The following CDC42SE2 variants were observed in gnomAD, a reference collection of about 807,000 sequenced individuals.
CDC42SE2 encodes CDC42 small effector protein 2.
Under a neutral mutation model 11.5 loss-of-function variants are expected in CDC42SE2, and 3 were observed. The observed-to-expected ratio is 0.26, with a 90% confidence interval of 0.12 to 0.67. The LOEUF is 0.67. CDC42SE2 is among the 30% of genes least tolerant of loss of function. The pLI, the probability that CDC42SE2 is intolerant of heterozygous loss-of-function variation, is 0.80. For missense variants in CDC42SE2, 82 were observed against 106.8 expected (o/e 0.77, Z 1.02); for synonymous variants, 33 against 34.8 (o/e 0.95, Z 0.18).
At chr5:131,337,790 G>A (rs1758610637) in intron 2 of CDC42SE2, among the ~76,000 whole-genome samples, 1 of 152,238 alleles carries the variant, frequency 6.6e-6, no homozygotes, top group Non-Finnish European at 1.5e-5. Flanking sequence ...ATAATCTCCT[G>A]GTGTGCCGTT....
At chr5:131,368,352 G>C (rs1749923435) in intron 3 of CDC42SE2, among the ~76,000 whole-genome samples, 1 of 151,238 alleles carries the variant, frequency 6.6e-6, no homozygotes, top group South Asian at 2.1e-4. Flanking sequence ...TCTAGATTCT[G>C]TTTGACCATT....
chr5:131,361,585 C>T (rs1183713689), intron 3 of CDC42SE2, among the ~76,000 whole-genome samples: 2 of 152,180 alleles, frequency 1.3e-5, no homozygotes, highest in South Asian at 2.1e-4. Context: ...TGTTAACCAG[C>T]TCAGTTAGAC....
chr5:131,312,618 C>T (rs1757946826), intron 1 of CDC42SE2, among the ~76,000 whole-genome samples: 1 of 152,210 alleles, frequency 6.6e-6, no homozygotes, highest in Non-Finnish European at 1.5e-5. Context: ...ACCCTCCGAG[C>T]CAGGCGCGGG....
chr5:131,272,088 G>A (rs567129823), intron 1 of CDC42SE2, among the ~76,000 whole-genome samples: 1 of 152,218 alleles, frequency 6.6e-6, no homozygotes, highest in Admixed American at 6.5e-5. Flanking sequence ...TTGGCTCACT[G>A]CAACTTCTGC....
chr5:131,222,550 A>G, the CDC42SE2 span, among the ~76,000 whole-genome samples: 8 of 152,370 alleles, frequency 5.3e-5, no homozygotes, highest in East Asian at 1.2e-3. Flanking sequence ...AGACTTTACT[A>G]AATGAAATTT....
At chr5:131,390,459 C>T (rs990593546) in intron 4 of CDC42SE2, among the ~76,000 whole-genome samples, 8 of 151,978 alleles carry the variant, frequency 5.3e-5, no homozygotes, top group African/African-American at 9.7e-5. Context: ...CCGAAGCAGT[C>T]GGATCACTTG....
chr5:131,296,236 G>T (rs1033344520), intron 1 of CDC42SE2, among the ~76,000 whole-genome samples: 1 of 152,148 alleles, frequency 6.6e-6, no homozygotes, highest in African/African-American at 2.4e-5. Flanking sequence ...CCAAAATCCT[G>T]TTTTGATTGG....
At position 131,290,292 on chromosome 5, in the gene CDC42SE2, G is replaced by A. The variant is rs567883492; in HGVS notation, c.-454-25684G>A. Among the ~76,000 whole-genome samples the A allele has an allele frequency of 4.6e-5, 7 of 152,258 alleles. No homozygotes were observed. The South Asian group carries it at 1.4e-3, about 32-fold the overall frequency. ...GATTTCCTTAAAATTGTCTAGACCT[G>A]TGTACCCCCTGGAAAGTATCAAACC... On this transcript the variant is annotated intron_variant, in intron 1 of 4. Coordinates refer to ENST00000505065, the MANE Select transcript of CDC42SE2 (RefSeq NM_001375635.1).
At chr5:131,269,567 G>C (rs900153374) in intron 1 of CDC42SE2, among the ~76,000 whole-genome samples, 1 of 152,106 alleles carries the variant, frequency 6.6e-6, no homozygotes, top group African/African-American at 2.4e-5. Flanking sequence ...TCAGGAGTTC[G>C]AGACCAGCCT....
chr5:131,390,916 G>C, intron 4 of CDC42SE2, 77 bp from the exon 5 acceptor site: 1 of 552,316 alleles, frequency 1.8e-6, no homozygotes, highest in Non-Finnish European at 2.6e-6. Flanking sequence ...TAAAATTCTG[G>C]GAAAAGAATT....
chr5:131,344,694 A>T (rs889428680), intron 2 of CDC42SE2, among the ~76,000 whole-genome samples: 1 of 152,196 alleles, frequency 6.6e-6, no homozygotes, highest in African/African-American at 2.4e-5. Flanking sequence ...AATGGACAGA[A>T]TGCCTCCTCA....
intron 1 of CDC42SE2, among the ~76,000 whole-genome samples, chr5:131,313,396 G>T (rs1355176177): frequency 6.6e-6 from 1 of 152,096 alleles, no homozygotes; most frequent in African/African-American, 2.4e-5. Context: ...TTATTACTTT[G>T]TCTTTTTTAA....
chr5:131,322,728 G>A (rs1264543964), intron 2 of CDC42SE2, among the ~76,000 whole-genome samples: 4 of 152,128 alleles, frequency 2.6e-5, no homozygotes, highest in African/African-American at 9.7e-5. Flanking sequence ...CTACCTCTTG[G>A]CTGTTGTGCT....
At chr5:131,286,491 C>T (rs1757344710) in intron 1 of CDC42SE2, among the ~76,000 whole-genome samples, 1 of 146,550 alleles carries the variant, frequency 6.8e-6, no homozygotes, top group Non-Finnish European at 1.5e-5. Context: ...TATTTCATGA[C>T]TAGCCTTCAG....
intron 2 of CDC42SE2, among the ~76,000 whole-genome samples, chr5:131,345,027 A>G (rs1263743721): frequency 6.6e-6 from 1 of 152,236 alleles, no homozygotes; most frequent in East Asian, 1.9e-4. Flanking sequence ...AAAGGTAGAT[A>G]AAACCACAAA....
the CDC42SE2 span, among the ~76,000 whole-genome samples, chr5:131,230,739 A>G: frequency 3.3e-5 from 5 of 152,202 alleles, no homozygotes; most frequent in Non-Finnish European, 7.3e-5. Flanking sequence ...TAAATTTCAC[A>G]GTATTCTCCT....
chr5:131,366,519 G>C (rs1749861666), intron 3 of CDC42SE2, among the ~76,000 whole-genome samples: 1 of 152,154 alleles, frequency 6.6e-6, no homozygotes, highest in African/African-American at 2.4e-5. Flanking sequence ...GTTGAGAATG[G>C]AGTTGATCTT....
chr5:131,245,456 A>G (rs565889010), upstream of CDC42SE2: 12 of 152,340 alleles, frequency 7.9e-5, no homozygotes, highest in African/African-American at 2.9e-4. Flanking sequence ...AGAAGAAGAA[A>G]AAAAAATACT....
At chr5:131,264,258 C>G (rs987067355) in intron 1 of CDC42SE2, 92 bp downstream of exon 1, 7 of 152,326 alleles carry the variant, frequency 4.6e-5, no homozygotes, top group African/African-American at 1.7e-4. Flanking sequence ...GAACCCTCGT[C>G]CCTGAGGGCT....
Sources: gnomAD v4.1 joint callset for allele counts (sites outside exome capture counted in the v4.1 genomes callset) on GRCh38, gnomAD v4.1.1 for gene constraint, MANE v1.5 for transcripts, NCBI Gene and HGNC (gene_info 2026-07-23, HGNC 2026-07-21) for gene names.